OR52N2: variants seen among roughly 807,000 people sequenced by gnomAD.
OR52N2 encodes the protein olfactory receptor family 52 subfamily N member 2.
For synonymous variants in OR52N2, 129 were observed against 72.0 expected (o/e 1.79, Z -4.01); for missense variants, 326 against 196.6 (o/e 1.66, Z -3.94).
chr11:5,809,503 T>C (rs139532562), intron 1 of OR52N2, among the ~76,000 whole-genome samples: 157 of 152,264 alleles, frequency 1.0e-3, no homozygotes, highest in African/African-American at 3.6e-3. Flanking sequence ...ATGTGAGTTA[T>C]TGATTAGAGC....
chr11:5,813,874 A>G (rs1381964379), intron 1 of OR52N2, among the ~76,000 whole-genome samples: 7 of 152,202 alleles, frequency 4.6e-5, no homozygotes, highest in Non-Finnish European at 1.0e-4. Flanking sequence ...ACACACACAA[A>G]TCAATAAATG....
At chr11:5,811,469 T>G (rs1405808719) in intron 1 of OR52N2, among the ~76,000 whole-genome samples, 2 of 152,164 alleles carry the variant, frequency 1.3e-5, no homozygotes, top group Non-Finnish European at 2.9e-5. Flanking sequence ...TGGAACTTCT[T>G]TATGCAATTG....
Position 5,820,565 on chromosome 11 carries a change from C to T in OR52N2, c.230C>T (p.Thr77Ile). ...LLSFTDVTLC[T>I]TMVPNMLCIF... is the part of the protein sequence containing the mutation. Reference sequence around the variant, plus strand: ...TCCTTCACTGATGTCACCTTGTGCACCACCATGGTACCTAATATGCTGTGC... The same window carrying T: ...TCCTTCACTGATGTCACCTTGTGCATCACCATGGTACCTAATATGCTGTGC... Residue 77 changes from threonine (T) to isoleucine (I), a missense_variant, in exon 2 of 2, where the codon ACC becomes ATC. Coordinates refer to ENST00000317037, the MANE Select transcript of OR52N2 (RefSeq NM_001005174.3). 1.3e-6 allele frequency: 1 copy of T among 780,844 alleles called. No individual in the cohort carries two copies. The highest frequency in any genetic ancestry group is 2.4e-6 in the Non-Finnish European group (1 of 418,168). 48.4% of individuals were successfully genotyped at this position (780,844 alleles called of 1,614,324 possible).
At position 5,821,331 on chromosome 11, in the gene OR52N2, G is replaced by A. The variant is rs779958784; in HGVS notation, c.*30G>A. On this transcript the variant is annotated 3_prime_UTR_variant, in exon 2 of 2. Transcript: ENST00000317037. ...TAGAATAGACATATTGTTTCAGGTG[G>A]TGAGAAAATAATGGAGACAAAATTT... The A allele has an allele frequency of 2.4e-5, 17 of 722,358 alleles. No individual in the cohort carries two copies. Among genetic ancestry groups the A allele is most frequent in the Non-Finnish European group, 4.1e-5 (16 of 393,478 alleles). The allele number at this position is 722,358 out of a possible 1,614,324, so 44.7% of individuals were successfully genotyped here. A position where few individuals can be genotyped will look rare whatever the true frequency, so the allele number is the denominator to read the frequency against.
chr11:5,810,390 G>C (rs530828108), intron 1 of OR52N2, among the ~76,000 whole-genome samples: 2 of 152,110 alleles, frequency 1.3e-5, no homozygotes, highest in African/African-American at 4.8e-5. Flanking sequence ...AACTGAGGAG[G>C]AAAGTACAAG....
At chr11:5,815,872 G>C (rs1373482300) in intron 1 of OR52N2, among the ~76,000 whole-genome samples, 1 of 139,016 alleles carries the variant, frequency 7.2e-6, no homozygotes, top group African/African-American at 2.7e-5. Flanking sequence ...GCAAAATGTA[G>C]TATGTATGTG....
intron 1 of OR52N2, among the ~76,000 whole-genome samples, chr11:5,814,870 AG>A (rs1425583898): frequency 2.0e-5 from 3 of 152,218 alleles, no homozygotes; most frequent in African/African-American, 7.2e-5. Context: ...GCACAAAGTC[AG>A]AACTGCAGAC....
chr11:5,819,800 C>A (rs1317647670), intron 1 of OR52N2, among the ~76,000 whole-genome samples: 4 of 152,018 alleles, frequency 2.6e-5, no homozygotes, highest in Non-Finnish European at 1.5e-5. Flanking sequence ...GTTATCAAGG[C>A]AGGGGAAAAG....
chr11:5,821,378 G>T lies in OR52N2; in HGVS notation c.*77G>T. The T allele has an allele frequency of 4.6e-6, 3 of 657,270 alleles. No homozygotes were observed. The highest frequency in any genetic ancestry group is 2.3e-5 in the Admixed American group (1 of 42,826). The allele number at this position is 657,270 out of a possible 1,614,324, so 40.7% of individuals were successfully genotyped here. A position where few individuals can be genotyped will look rare whatever the true frequency, so the allele number is the denominator to read the frequency against. On this transcript the variant is annotated 3_prime_UTR_variant, in exon 2 of 2. Coordinates refer to ENST00000317037, the MANE Select transcript of OR52N2 (RefSeq NM_001005174.3). ...ATTTCATAAAAGATGTGAATAAAAT[G>T]GTATTAAAATCATGACATGTAATTT...
chr11:5,810,183 A>G (rs1846346327), intron 1 of OR52N2, among the ~76,000 whole-genome samples: 1 of 152,180 alleles, frequency 6.6e-6, no homozygotes. Context: ...ACATTAGCAA[A>G]GTCAGTGGCC....
At chr11:5,811,482 G>A (rs10742796) in intron 1 of OR52N2, among the ~76,000 whole-genome samples, 31,865 of 152,042 alleles carry the variant, frequency 0.21, 3,471 homozygotes, top group Middle Eastern at 0.29. Flanking sequence ...TGCAATTGAA[G>A]TTGTTATCAG....
Position 5,820,409 on chromosome 11 carries a change from C to T in OR52N2, c.74C>T (p.Thr25Ile), listed in dbSNP as rs772787290. ...AATGGCGTTCCTGGGCTGGAAGCCACACACATCTGGATCTCCCTGCCATTC... is the reference window on the plus strand; with the variant it reads ...AATGGCGTTCCTGGGCTGGAAGCCATACACATCTGGATCTCCCTGCCATTC... ...ILNGVPGLEA[T>I]HIWISLPFCF... The change falls in exon 2 of 2, where the codon ACA becomes ATA. Residue 25 changes from threonine (T) to isoleucine (I), a missense_variant. Transcript: ENST00000317037. The T allele has an allele frequency of 2.6e-6, 2 of 780,932 alleles. No homozygotes were observed. 48.4% of individuals were successfully genotyped at this position (780,932 alleles called of 1,614,324 possible).
intron 1 of OR52N2, among the ~76,000 whole-genome samples, chr11:5,813,834 G>C (rs1451713532): frequency 3.3e-5 from 5 of 152,102 alleles, no homozygotes; most frequent in African/African-American, 1.2e-4. Context: ...GATCACTTGG[G>C]CTTTATCACC....
At position 5,815,382 on chromosome 11, in the gene OR52N2, C is replaced by T. The variant is rs1846396127; in HGVS notation, c.-54-4900C>T. Among the ~76,000 whole-genome samples, 4 of 151,898 alleles carry T rather than the reference C, an allele frequency of 2.6e-5. No homozygotes were observed. The South Asian group carries it at 8.3e-4, about 32-fold the overall frequency. On this transcript the variant is annotated intron_variant, in intron 1 of 1. Coordinates refer to ENST00000317037, the MANE Select transcript of OR52N2 (RefSeq NM_001005174.3). ...ATATAGAGCTCCTAAACCTCAACAA[C>T]AACAACAAACAGCTTAATAAGAAAT...
At chr11:5,812,602 AAT>A (rs1846372945) in intron 1 of OR52N2, among the ~76,000 whole-genome samples, 1 of 152,022 alleles carries the variant, frequency 6.6e-6, no homozygotes, top group Non-Finnish European at 1.5e-5. Context: ...AACCATTGTA[AAT>A]ATATATGTCT....
At chr11:5,816,667 G>C (rs1177708908) in intron 1 of OR52N2, among the ~76,000 whole-genome samples, 1 of 152,038 alleles carries the variant, frequency 6.6e-6, no homozygotes, top group Non-Finnish European at 1.5e-5. Context: ...AGCCTCCCGA[G>C]TTGCTGGGAC....
In OR52N2 at chr11:5,819,950, G is replaced by A. The variant is rs74633617; in HGVS notation, c.-54-332G>A. ...CAATTAGAATGGGAAGATTCTGAGAGCACAGAATAGAAATGGACTTATTGA... is the reference window on the plus strand; with the variant it reads ...CAATTAGAATGGGAAGATTCTGAGAACACAGAATAGAAATGGACTTATTGA... On this transcript the variant is annotated intron_variant, in intron 1 of 1. Coordinates refer to ENST00000317037, the MANE Select transcript of OR52N2 (RefSeq NM_001005174.3). Among the ~76,000 whole-genome samples the A allele has an allele frequency of 4.1e-3, 628 of 152,288 alleles. 8 individuals carry two copies. The highest frequency in any genetic ancestry group is 0.015 in the African/African-American group (611 of 41,560).
chr11:5,817,113 A>G (rs2134242781), intron 1 of OR52N2, among the ~76,000 whole-genome samples: 1 of 152,332 alleles, frequency 6.6e-6, no homozygotes, highest in African/African-American at 2.4e-5. Flanking sequence ...AATTTTTTAA[A>G]TACTTATAAA....
chr11:5,815,862 G>C (rs1031990965), intron 1 of OR52N2, among the ~76,000 whole-genome samples: 11 of 146,408 alleles, frequency 7.5e-5, no homozygotes, highest in African/African-American at 2.8e-4. Flanking sequence ...TAATGGATAA[G>C]CAAAATGTAG....
Sources: allele counts gnomAD v4.1 joint callset (sites outside exome capture counted in the v4.1 genomes callset), GRCh38; gene constraint gnomAD v4.1.1; transcripts MANE v1.5; gene names NCBI Gene and HGNC (gene_info 2026-07-23, HGNC 2026-07-21).